Variants in GRK3 observed in about 807,000 individuals in gnomAD.
GRK3 encodes the protein G protein-coupled receptor kinase 3, also known as adrenergic, beta, receptor kinase 2.
In GRK3, 54 loss-of-function variants were observed where a neutral mutation model predicts 95.7. The observed-to-expected ratio is 0.56, with a 90% CI of 0.45 to 0.71. The LOEUF (loss-of-function observed/expected upper bound fraction) is 0.71. Among genes scored for constraint, GRK3 ranks in the 30% least tolerant of loss-of-function variants. GRK3 has a pLI of 0.00. For missense variants in GRK3, 649 were observed against 851.2 expected, an observed-to-expected ratio of 0.76 and a Z score of 2.96; for synonymous variants, 281 against 290.8, an observed-to-expected ratio of 0.97 and a Z score of 0.34.
chr22:25,714,508 C>T lies in GRK3; in HGVS notation c.1592C>T (p.Ala531Val). 1.2e-6 allele frequency: 2 copies of T among 1,613,392 alleles called. No homozygotes were observed. Among genetic ancestry groups the T allele is most frequent in the Non-Finnish European group, 8.5e-7 (1 of 1,179,730 alleles). ...GAAACAGTTTATGAAGCAGTAAATGCAGACACAGATAAAATCGAGGCCAGG... is the reference window on the plus strand; with the variant it reads ...GAAACAGTTTATGAAGCAGTAAATGTAGACACAGATAAAATCGAGGCCAGG... Reference protein sequence around the residue: ...VTETVYEAVNADTDKIEARKR... With the variant: ...VTETVYEAVNVDTDKIEARKR... The change falls in exon 18 of 21, where the codon GCA becomes GTA. Residue 531 changes from alanine (A) to valine (V), a missense_variant. Around this residue, in one of 3 missense-constraint regions of GRK3, gnomAD observed 382 missense variants for 493.8 expected, o/e 0.77. Coordinates refer to ENST00000324198, the MANE Select transcript of GRK3 (RefSeq NM_005160.4).
intron 4 of GRK3, among the ~76,000 whole-genome samples, chr22:25,662,067 G>A (rs1257889658): frequency 6.6e-6 from 1 of 152,202 alleles, no homozygotes; most frequent in East Asian, 1.9e-4. Flanking sequence ...CTCTTTGAAT[G>A]AATAAAGTGG....
intron 2 of GRK3, among the ~76,000 whole-genome samples, chr22:25,620,765 G>C (rs1411952744): frequency 3.3e-5 from 5 of 152,188 alleles, no homozygotes; most frequent in Non-Finnish European, 5.9e-5. Context: ...GTGTCCTTGT[G>C]TGGTTCAGTT....
At chr22:25,696,215 A>AGCCAT (rs755969373) in intron 13 of GRK3, among the ~76,000 whole-genome samples, 8 of 152,090 alleles carry the variant, frequency 5.3e-5, no homozygotes, top group Non-Finnish European at 8.8e-5. Context: ...CCTGGCCTCA[A>AGCCAT]GCCATCCTCC....
At chr22:25,614,139 T>C (rs2084520044) in intron 2 of GRK3, among the ~76,000 whole-genome samples, 1 of 152,130 alleles carries the variant, frequency 6.6e-6, no homozygotes, top group African/African-American at 2.4e-5. Flanking sequence ...GTTATTTATT[T>C]ATTTTTTGAG....
intron 2 of GRK3, among the ~76,000 whole-genome samples, chr22:25,608,821 C>G (rs1352657994): frequency 6.6e-6 from 1 of 152,224 alleles, no homozygotes; most frequent in Admixed American, 6.5e-5. Flanking sequence ...CCCACTCACA[C>G]TTCTGACCTA....
At chr22:25,623,051 C>A (rs2084598511) in intron 2 of GRK3, among the ~76,000 whole-genome samples, 1 of 152,186 alleles carries the variant, frequency 6.6e-6, no homozygotes, top group Non-Finnish European at 1.5e-5. Context: ...AAGTGATTCT[C>A]CAGCCTCAGT....
chr22:25,713,281 C>G (rs1393154443), intron 17 of GRK3, among the ~76,000 whole-genome samples: 1 of 152,162 alleles, frequency 6.6e-6, no homozygotes, highest in East Asian at 1.9e-4. Context: ...ACACGCACCT[C>G]CAGTCCCATT....
intron 1 of GRK3, among the ~76,000 whole-genome samples, chr22:25,576,647 A>G (rs1183417620): frequency 6.6e-6 from 1 of 152,234 alleles, no homozygotes; most frequent in African/African-American, 2.4e-5. Flanking sequence ...CGCGCTGATA[A>G]CAAATGGTGC....
chr22:25,690,222 G>A lies in GRK3; in HGVS notation c.991G>A (p.Ala331Thr), dbSNP rs773556791. 7 of 1,613,864 alleles carry A rather than the reference G, an allele frequency of 4.3e-6. No individual in the cohort carries two copies. The highest frequency in any genetic ancestry group is 2.2e-5 in the South Asian group (2 of 91,082). ...ANILLDEHGH[A>T]RISDLGLACD... ...TATTCTCTTGGATGAACATGGACAC[G>A]CAAGAATATCAGATCTTGGTCTTGC... Residue 331 changes from alanine (A) to threonine (T), a missense_variant, in exon 12 of 21, where the codon GCA becomes ACA. This residue lies in a region of GRK3 where 382 missense variants were observed against 493.8 expected (regional missense o/e 0.77). Coordinates refer to ENST00000324198, the MANE Select transcript of GRK3 (RefSeq NM_005160.4).
rs1203466966 is a variant in GRK3, at chr22:25,687,671, A to C, written c.957+4A>C. ...TGTTGTCTACAGAGATTTGAAGGTGAGGACGATTGACAGACTCATTCTGCA... is the reference window on the plus strand; with the variant it reads ...TGTTGTCTACAGAGATTTGAAGGTGCGGACGATTGACAGACTCATTCTGCA... On this transcript the variant is annotated splice_donor_region_variant and intron_variant, in intron 11 of 20. Transcript: ENST00000324198. The C allele has an allele frequency of 1.2e-6, 2 of 1,614,080 alleles. No individual in the cohort carries two copies. The highest frequency in any genetic ancestry group is 3.3e-5 in the Admixed American group (2 of 60,022).
In GRK3 at chr22:25,728,918, C is replaced by T. The variant is rs2085494957; in HGVS notation, c.*6468C>T. On this transcript the variant is annotated 3_prime_UTR_variant, in exon 21 of 21. Transcript: ENST00000324198. Reference sequence around the variant, plus strand: ...GTTTTCATAGCCATCAATATAGTAACATATTTACTATATTCTTGAATACCC... The same window carrying T: ...GTTTTCATAGCCATCAATATAGTAATATATTTACTATATTCTTGAATACCC... 6.6e-6 allele frequency: 1 copy of T among 152,132 alleles called. No homozygotes were observed. Among genetic ancestry groups the T allele is most frequent in the Non-Finnish European group, 1.5e-5 (1 of 68,024 alleles). 9.4% of individuals were successfully genotyped at this position (152,132 alleles called of 1,614,324 possible). A position where few individuals can be genotyped will look rare whatever the true frequency, so the allele number is the denominator to read the frequency against.
At chr22:25,691,560 AATT>A (rs2085164815) in intron 12 of GRK3, among the ~76,000 whole-genome samples, 1 of 152,244 alleles carries the variant, frequency 6.6e-6, no homozygotes, top group Admixed American at 6.5e-5. Flanking sequence ...AGCACTTTAC[AATT>A]ATTAGGCCAG....
chr22:25,619,118 AT>A (rs1418769168), intron 2 of GRK3, among the ~76,000 whole-genome samples: 4 of 152,150 alleles, frequency 2.6e-5, no homozygotes, highest in African/African-American at 4.8e-5. Context: ...TCCCTGTAAA[AT>A]CCTAGACATA....
rs144810352 is a variant in GRK3 at position 25,722,362 on chromosome 22, G to C, written c.1979G>C (p.Arg660Pro). The change falls in exon 21 of 21, where the codon CGT becomes CCT. Residue 660 changes from arginine (R) to proline (P), a missense_variant. This residue lies in a region of GRK3 where 382 missense variants were observed against 493.8 expected (regional missense o/e 0.77). Coordinates refer to ENST00000324198, the MANE Select transcript of GRK3 (RefSeq NM_005160.4). ...AAGGAGGCCCAGCGGCTATTGCGTC[G>C]TGCCCCGAAGTTCCTCAACAAACCT... ...TFKEAQRLLR[R>P]APKFLNKPRS... The C allele has an allele frequency of 3.1e-6, 5 of 1,614,038 alleles. No homozygotes were observed. Among genetic ancestry groups the C allele is most frequent in the Non-Finnish European group, 1.7e-6 (2 of 1,180,032 alleles).
Position 25,703,204 on chromosome 22 carries a change from G to T in GRK3, c.1161-306G>T, listed in dbSNP as rs142743667. On this transcript the variant is annotated intron_variant, in intron 13 of 20. Coordinates refer to ENST00000324198, the MANE Select transcript of GRK3 (RefSeq NM_005160.4). ...TTATATAAATGACTTTTATTCTCAT[G>T]ATTACCTGTTGGCTAGTTATATATT... 2.4e-3 allele frequency among the ~76,000 whole-genome samples: 364 copies of T among 152,262 alleles called. 4 individuals are homozygous for T. In the Middle Eastern group the frequency reaches 0.031, roughly 13 times the overall value.
At position 25,693,774 on chromosome 22, in the gene GRK3, CTTTTTTTTTTT is replaced by C. The variant is rs542086916; in HGVS notation, c.1053-1321_1053-1311del. On this transcript the variant is annotated intron_variant, in intron 12 of 20. Coordinates refer to ENST00000324198, the MANE Select transcript of GRK3 (RefSeq NM_005160.4). ...GCTGAGCATAAGCAAGTTAAAAATT[CTTTTTTTTTTT>C]TTTTTTTTTTTGAGATGGAGTTTCA... Among the ~76,000 whole-genome samples, 8 of 112,840 alleles carry C rather than the reference CTTTTTTTTTTT, an allele frequency of 7.1e-5. No individual in the cohort carries two copies. The Admixed American group carries it at 7.6e-4, about 11-fold the overall frequency. 74.0% of individuals were successfully genotyped at this position (112,840 alleles called of 152,430 possible). A position where few individuals can be genotyped will look rare whatever the true frequency, so the allele number is the denominator to read the frequency against.
intron 3 of GRK3, among the ~76,000 whole-genome samples, chr22:25,645,341 G>A (rs1002114077): frequency 6.6e-5 from 10 of 152,208 alleles, no homozygotes; most frequent in Non-Finnish European, 1.5e-4. Context: ...TTTTCACCTA[G>A]GGTTTCTGTT....
intron 1 of GRK3, among the ~76,000 whole-genome samples, chr22:25,593,284 A>G (rs901541775): frequency 3.9e-5 from 6 of 152,112 alleles, no homozygotes; most frequent in African/African-American, 1.4e-4. Flanking sequence ...GGCTGAATTA[A>G]TTTACATTCC....
chr22:25,579,007 C>A (rs1256881061), intron 1 of GRK3, among the ~76,000 whole-genome samples: 1 of 152,076 alleles, frequency 6.6e-6, no homozygotes, highest in Non-Finnish European at 1.5e-5. Context: ...TTGATCACCA[C>A]CAGCAGTAGA....
Sources: gnomAD v4.1 joint callset for allele counts (sites outside exome capture counted in the v4.1 genomes callset) on GRCh38, gnomAD v4.1.1 for gene constraint, gnomAD v4.1.1 regional missense constraint, MANE v1.5 for transcripts, NCBI Gene and HGNC (gene_info 2026-07-23, HGNC 2026-07-21) for gene names.